The following GALNT17 variants were observed in gnomAD, a reference collection of about 807,000 sequenced individuals.
GALNT17 encodes the protein polypeptide N-acetylgalactosaminyltransferase 17, also known as UDP-GalNAc:polypeptide N-acetylgalactosaminyltransferase-like 3.
GALNT17 carries 29 observed loss-of-function variants against 63.7 expected under a neutral mutation model. That is an observed-to-expected ratio of 0.46 (90% CI 0.34 to 0.62). The LOEUF (loss-of-function observed/expected upper bound fraction) is 0.62. Ranked by LOEUF, GALNT17 falls within the 20% of genes least tolerant of loss-of-function variation. The pLI, the probability that GALNT17 is intolerant of heterozygous loss-of-function variation, is 0.01. For missense variants in GALNT17, 603 were observed against 799.6 expected (o/e 0.75, Z 2.97); for synonymous variants, 305 against 318.3 (o/e 0.96, Z 0.45).
chr7:71,221,906 A>AG (rs1366933061), intron 1 of GALNT17, among the ~76,000 whole-genome samples: 65 of 128,178 alleles, frequency 5.1e-4, no homozygotes, highest in Non-Finnish European at 9.5e-4. Context: ...GACCTTATTT[A>AG]GATTTTTTTT....
At chr7:71,214,539 T>A (rs1262971120) in intron 1 of GALNT17, among the ~76,000 whole-genome samples, 1 of 151,904 alleles carries the variant, frequency 6.6e-6, no homozygotes, top group Non-Finnish European at 1.5e-5. Flanking sequence ...GAAAAACTGC[T>A]TCCTCCCAGG....
chr7:71,142,508 TAGTG>T (rs1461228364), intron 1 of GALNT17, among the ~76,000 whole-genome samples: 1 of 152,220 alleles, frequency 6.6e-6, no homozygotes, highest in Admixed American at 6.5e-5. Context: ...TCATATCCGT[TAGTG>T]AGCACTTCCT....
At chr7:71,247,067 G>A (rs950430279) in intron 1 of GALNT17, among the ~76,000 whole-genome samples, 10 of 151,928 alleles carry the variant, frequency 6.6e-5, no homozygotes, top group African/African-American at 9.7e-5. Flanking sequence ...GAGCCACCAC[G>A]CCCAGCCTAT....
At chr7:71,384,307 G>T (rs1792899767) in intron 2 of GALNT17, among the ~76,000 whole-genome samples, 1 of 152,158 alleles carries the variant, frequency 6.6e-6, no homozygotes, top group Non-Finnish European at 1.5e-5. Flanking sequence ...CGCATGGTAG[G>T]TGGAGACCTT....
At chr7:71,440,395 G>A (rs1426530630) in intron 5 of GALNT17, among the ~76,000 whole-genome samples, 2 of 128,632 alleles carry the variant, frequency 1.6e-5, no homozygotes, top group Non-Finnish European at 3.2e-5. Context: ...TTTTTTTTGA[G>A]ATGGAGTTTC....
intron 1 of GALNT17, among the ~76,000 whole-genome samples, chr7:71,318,089 T>A (rs938197378): frequency 6.6e-6 from 1 of 151,932 alleles, no homozygotes; most frequent in Non-Finnish European, 1.5e-5. Flanking sequence ...GTATTCTTTG[T>A]TGAGATGGTG....
At chr7:71,442,417 T>G (rs1185350665) in intron 5 of GALNT17, among the ~76,000 whole-genome samples, 1 of 152,090 alleles carries the variant, frequency 6.6e-6, no homozygotes, top group East Asian at 1.9e-4. Flanking sequence ...GCCAGGATGG[T>G]CTCAATCTCC....
chr7:71,259,299 TG>T (rs1428590431), intron 1 of GALNT17, among the ~76,000 whole-genome samples: 1 of 152,302 alleles, frequency 6.6e-6, no homozygotes, highest in Non-Finnish European at 1.5e-5. Context: ...CAGGTTTGAA[TG>T]GGGGATGGCA....
chr7:71,303,797 T>A (rs1791242153), intron 1 of GALNT17, among the ~76,000 whole-genome samples: 1 of 151,418 alleles, frequency 6.6e-6, no homozygotes, highest in African/African-American at 2.4e-5. Context: ...ACCTCAAACA[T>A]TTGAGATTAG....
intron 5 of GALNT17, among the ~76,000 whole-genome samples, chr7:71,562,421 A>G (rs567755245): frequency 6.6e-6 from 1 of 152,348 alleles, no homozygotes; most frequent in African/African-American, 2.4e-5. Context: ...ATAGTTCTAC[A>G]ACTCACCATC....
intron 6 of GALNT17, among the ~76,000 whole-genome samples, chr7:71,610,511 A>G (rs1790110161): frequency 2.6e-5 from 4 of 152,028 alleles, no homozygotes; most frequent in Admixed American, 2.0e-4. Flanking sequence ...TTTTCCCTAA[A>G]TACAGCATTC....
chr7:71,183,243 C>T (rs1796083), intron 1 of GALNT17, among the ~76,000 whole-genome samples: 39,839 of 151,930 alleles, frequency 0.26, 9,687 homozygotes, highest in African/African-American at 0.65. Context: ...ATTTCACCCA[C>T]CTGGTACTAG....
At chr7:71,576,428 G>C (rs1789538004) in intron 6 of GALNT17, among the ~76,000 whole-genome samples, 1 of 152,108 alleles carries the variant, frequency 6.6e-6, no homozygotes, top group South Asian at 2.1e-4. Flanking sequence ...AGAAATCTCT[G>C]AACTGCTTTC....
chr7:71,578,445 T>C (rs1419035048), intron 6 of GALNT17, among the ~76,000 whole-genome samples: 1 of 152,158 alleles, frequency 6.6e-6, no homozygotes, highest in Non-Finnish European at 1.5e-5. Flanking sequence ...GTGATCCTCC[T>C]GTCTCAGCCT....
chr7:71,570,861 C>G (rs1335886056), intron 5 of GALNT17, among the ~76,000 whole-genome samples: 1 of 152,022 alleles, frequency 6.6e-6, no homozygotes, highest in Non-Finnish European at 1.5e-5. Context: ...TCCTGTAATC[C>G]CAGCTACTCA....
intron 1 of GALNT17, among the ~76,000 whole-genome samples, chr7:71,221,991 T>C (rs1486323883): frequency 6.8e-6 from 1 of 147,452 alleles, no homozygotes; most frequent in Admixed American, 7.1e-5. Flanking sequence ...CACTGCAAAC[T>C]TCACTTCCTG....
intron 5 of GALNT17, among the ~76,000 whole-genome samples, chr7:71,549,897 G>A (rs889863320): frequency 7.9e-5 from 12 of 151,648 alleles, no homozygotes; most frequent in African/African-American, 2.9e-4. Context: ...AAAGCGTGTG[G>A]CTTTCTCAGC....
At chr7:71,466,471 T>G (rs1415914234) in intron 5 of GALNT17, among the ~76,000 whole-genome samples, 5 of 152,202 alleles carry the variant, frequency 3.3e-5, no homozygotes, top group Admixed American at 3.3e-4. Context: ...TCAAAGTGTT[T>G]TACCCAAAAA....
intron 1 of GALNT17, among the ~76,000 whole-genome samples, chr7:71,165,337 G>A (rs968013987): frequency 2.0e-5 from 3 of 152,128 alleles, no homozygotes; most frequent in South Asian, 2.1e-4. Context: ...TCACACTGCC[G>A]ATAAAGTCAT....
Sources: allele counts gnomAD v4.1 joint callset (sites outside exome capture counted in the v4.1 genomes callset), GRCh38; gene constraint gnomAD v4.1.1; transcripts MANE v1.5; gene names NCBI Gene and HGNC (gene_info 2026-07-23, HGNC 2026-07-21).